DIP2C: variants seen among roughly 807,000 people sequenced by gnomAD.
The protein encoded by DIP2C is DIP2 acetate--CoA ligase C (putative).
Under a neutral mutation model 192.4 loss-of-function variants are expected in DIP2C, and 33 were observed. The observed-to-expected ratio is 0.17, with a 90% CI of 0.13 to 0.23. The LOEUF is 0.23. DIP2C is among the 10% of genes least tolerant of loss of function. The pLI, the probability that DIP2C is intolerant of heterozygous loss-of-function variation, is 1.00. For missense variants in DIP2C, 1,537 were observed against 2,110.1 expected (o/e 0.73, Z 5.32); for synonymous variants, 979 against 864.1 (o/e 1.13, Z -2.33).
At chr10:337,236 C>CAG (rs1957853432) in intron 29 of DIP2C, among the ~76,000 whole-genome samples, 1 of 16,044 alleles carries the variant, frequency 6.2e-5, no homozygotes, top group African/African-American at 1.6e-4. Flanking sequence ...GAGGCCTAGG[C>CAG]CGGTGTGTGT....
At chr10:442,409 C>T (rs1350961441) in intron 3 of DIP2C, among the ~76,000 whole-genome samples, 2 of 152,140 alleles carry the variant, frequency 1.3e-5, no homozygotes, top group African/African-American at 4.8e-5. Flanking sequence ...CTTTCTAATT[C>T]CCAGGTCAAA....
intron 1 of DIP2C, among the ~76,000 whole-genome samples, chr10:516,119 C>G (rs1380409769): frequency 2.7e-5 from 4 of 150,004 alleles, no homozygotes; most frequent in African/African-American, 9.8e-5. Flanking sequence ...TGACTTGGGT[C>G]TCTGTACCTT....
rs181832753 is a variant in DIP2C at position 550,224 on chromosome 10, G to C, written c.86-63694C>G. Among the ~76,000 whole-genome samples the C allele has an allele frequency of 2.7e-3, 405 of 152,162 alleles. 4 individuals are homozygous for C. The highest frequency in any genetic ancestry group is 5.2e-3 in the Admixed American group (80 of 15,290). ...AGGATTTCACCATGTTGGCCAGGCT[G>C]GTCTCGAACTCCTGACCTCACGTGA... On this transcript the variant is annotated intron_variant, in intron 1 of 36. Transcript: ENST00000280886.
chr10:588,879 G>A (rs968252892), intron 1 of DIP2C, among the ~76,000 whole-genome samples: 6 of 152,148 alleles, frequency 3.9e-5, no homozygotes, highest in African/African-American at 1.4e-4. Context: ...CCAGGAGTGG[G>A]GTCACCGGGC....
intron 4 of DIP2C, among the ~76,000 whole-genome samples, chr10:433,839 T>G (rs1256398192): frequency 6.6e-6 from 1 of 152,238 alleles, no homozygotes; most frequent in Non-Finnish European, 1.5e-5. Flanking sequence ...AGTAATGATA[T>G]ACAGTTGAAT....
chr10:477,068 C>T (rs1033579087), intron 2 of DIP2C, among the ~76,000 whole-genome samples: 5 of 147,780 alleles, frequency 3.4e-5, no homozygotes, highest in African/African-American at 1.3e-4. Context: ...TACAGCAAGA[C>T]CACAAATAAA....
At chr10:344,767 G>A (rs368232992) in intron 28 of DIP2C, 42 bp downstream of exon 28, 114 of 1,526,456 alleles carry the variant, frequency 7.5e-5, no homozygotes, top group African/African-American at 3.3e-4. Context: ...AGCACGCTCC[G>A]CAGTTGCCTC....
intron 1 of DIP2C, among the ~76,000 whole-genome samples, chr10:604,677 TAATTA>T (rs748388861): frequency 5.6e-4 from 86 of 152,358 alleles, no homozygotes; most frequent in East Asian, 9.6e-4. Flanking sequence ...AAAAGTTCTC[TAATTA>T]AATTAATTTT....
chr10:494,465 C>T (rs1440066908), intron 1 of DIP2C, among the ~76,000 whole-genome samples: 3 of 152,196 alleles, frequency 2.0e-5, no homozygotes, highest in Non-Finnish European at 4.4e-5. Context: ...TAAGTCTCTG[C>T]AGAATCATTT....
At chr10:328,187 C>T (rs1319467534) in intron 30 of DIP2C, among the ~76,000 whole-genome samples, 2 of 152,204 alleles carry the variant, frequency 1.3e-5, no homozygotes, top group Non-Finnish European at 1.5e-5. Flanking sequence ...AGTGTACAGA[C>T]ACGACTGTAC....
intron 17 of DIP2C, among the ~76,000 whole-genome samples, chr10:377,803 G>A (rs1961808722): frequency 1.3e-5 from 2 of 152,222 alleles, no homozygotes; most frequent in African/African-American, 4.8e-5. Flanking sequence ...AAAACTAGAA[G>A]ATGGTTGTGG....
intron 1 of DIP2C, among the ~76,000 whole-genome samples, chr10:519,498 CCA>C (rs1485960948): frequency 3.9e-5 from 6 of 152,368 alleles, no homozygotes; most frequent in African/African-American, 1.4e-4. Context: ...CTCCCCTCCC[CCA>C]CACATACATG....
chr10:544,663 A>T (rs1185491160), intron 1 of DIP2C, among the ~76,000 whole-genome samples: 1 of 152,024 alleles, frequency 6.6e-6, no homozygotes, highest in Non-Finnish European at 1.5e-5. Flanking sequence ...GGTGGTTTTC[A>T]TTTTCATTTC....
chr10:580,610 C>T (rs537387914), intron 1 of DIP2C, among the ~76,000 whole-genome samples: 2 of 152,114 alleles, frequency 1.3e-5, no homozygotes, highest in Non-Finnish European at 2.9e-5. Flanking sequence ...AATACATGTA[C>T]AATGGCAATA....
chr10:668,964 A>T (rs1857281905), intron 1 of DIP2C: 1 of 152,188 alleles, frequency 6.6e-6, no homozygotes, highest in South Asian at 2.1e-4. Flanking sequence ...CTCAGAGGCC[A>T]GGAAGGGAAC....
intron 3 of DIP2C, among the ~76,000 whole-genome samples, chr10:462,356 T>TC (rs1197132003): frequency 2.6e-5 from 4 of 152,052 alleles, no homozygotes; most frequent in Admixed American, 2.6e-4. Flanking sequence ...TCACCACTGA[T>TC]CCCACAGAAA....
At chr10:387,158 A>G (rs1963020817) in intron 14 of DIP2C, among the ~76,000 whole-genome samples, 1 of 152,230 alleles carries the variant, frequency 6.6e-6, no homozygotes, top group Non-Finnish European at 1.5e-5. Flanking sequence ...ACGTTATTCT[A>G]AGATACTGAA....
chr10:280,127 G>A (rs1954735689), intron 36 of DIP2C, among the ~76,000 whole-genome samples: 1 of 152,180 alleles, frequency 6.6e-6, no homozygotes, highest in African/African-American at 2.4e-5. Flanking sequence ...ACTTTTGAGA[G>A]TAGGGGCTTA....
chr10:375,039 A>G (rs758817227), intron 17 of DIP2C, among the ~76,000 whole-genome samples: 1 of 152,210 alleles, frequency 6.6e-6, no homozygotes, highest in Non-Finnish European at 1.5e-5. Context: ...TCTTGGAGAT[A>G]TGGAAGGAGC....
Sources: allele counts gnomAD v4.1 joint callset (sites outside exome capture counted in the v4.1 genomes callset), GRCh38; gene constraint gnomAD v4.1.1; transcripts MANE v1.5; gene names NCBI Gene and HGNC (gene_info 2026-07-23, HGNC 2026-07-21).